Variants in CD320 observed in about 807,000 individuals in gnomAD.
CD320 encodes the protein CD320 molecule.
Under a neutral mutation model 22.1 loss-of-function variants are expected in CD320, and 16 were observed. The observed-to-expected ratio is 0.73, with a 90% CI of 0.49 to 1.10. CD320 has a LOEUF of 1.10. Ranked by LOEUF, CD320 falls within the 50% of genes least tolerant of loss-of-function variation. The probability of loss-of-function intolerance (pLI) is 0.00; values close to 1 mark genes in which losing one functional copy is unlikely to be tolerated. For synonymous variants in CD320, 188 were observed against 167.8 expected, an observed-to-expected ratio of 1.12 and a Z score of -0.93; for missense variants, 388 against 376.9, an observed-to-expected ratio of 1.03 and a Z score of -0.24.
intron 1 of CD320, chr19:8,305,567 G>A (rs1057390316): frequency 1.6e-5 from 4 of 244,612 alleles, no homozygotes; most frequent in Non-Finnish European, 2.5e-5. Context: ...TTAGCCGGGC[G>A]TGGTAGTGCA....
chr19:8,302,203 C>G lies in CD320; in HGVS notation c.*260G>C, dbSNP rs1218515163. On this transcript the variant is annotated 3_prime_UTR_variant, in exon 5 of 5. Transcript: ENST00000301458. ...TCTTAAGCACAGGGCCGTTCTACCC[C>G]CTGGGAGCTGCCTGGGGCCAGCCCC... is the stretch of plus-strand genomic sequence containing the variant. 2 of 662,238 alleles carry G rather than the reference C, an allele frequency of 3.0e-6. No individual in the cohort carries two copies. The highest frequency in any genetic ancestry group is 2.4e-4 in the Middle Eastern group (1 of 4,122). The allele number at this position is 662,238 out of a possible 1,614,324, so 41.0% of individuals were successfully genotyped here. A position where few individuals can be genotyped will look rare whatever the true frequency, so the allele number is the denominator to read the frequency against.
At chr19:8,303,115 T>A in intron 3 of CD320, 135 bp from the exon 4 acceptor site, 18 of 106,216 alleles carry the variant, frequency 1.7e-4, no homozygotes, top group Middle Eastern at 4.2e-3. Flanking sequence ...TAATTATGTC[T>A]TTTTTTTTTT....
In CD320 at chr19:8,302,993, C is replaced by T; in HGVS notation, c.503-13G>A. ...ATCTCATTGGTTCCTGCAATAAGCC[C>T]AGGCGTTCAGTAGTTGAGGAGAGAG... is the stretch of plus-strand genomic sequence containing the variant. On this transcript the variant is annotated splice_polypyrimidine_tract_variant and intron_variant, in intron 3 of 4. Transcript: ENST00000301458. 1.2e-6 allele frequency: 2 copies of T among 1,612,176 alleles called. No individual in the cohort carries two copies. The highest frequency in any genetic ancestry group is 1.1e-5 in the South Asian group (1 of 90,920).
Position 8,308,298 on chromosome 19 carries a change from C to G in CD320, c.-8G>C. 1 of 1,586,272 alleles carries G rather than the reference C, an allele frequency of 6.3e-7. No individual in the cohort carries two copies. Among genetic ancestry groups the G allele is most frequent in the Non-Finnish European group, 8.5e-7 (1 of 1,173,406 alleles). On this transcript the variant is annotated 5_prime_UTR_variant, in exon 1 of 5. Transcript: ENST00000301458. ...CATCCAACCGCCGCTCATGCTGTCCCCACAGCGGCGCCGGCCACGCGCTGT... is the reference window on the plus strand; with the variant it reads ...CATCCAACCGCCGCTCATGCTGTCCGCACAGCGGCGCCGGCCACGCGCTGT...
intron 4 of CD320, 21 bp downstream of exon 4, chr19:8,302,756 G>T: frequency 6.2e-7 from 1 of 1,612,496 alleles, no homozygotes; most frequent in South Asian, 1.1e-5. Flanking sequence ...CCCCCAGCAT[G>T]GGAGGGTAAG....
intron 1 of CD320, among the ~76,000 whole-genome samples, chr19:8,307,924 C>A (rs1970117467): frequency 1.3e-5 from 2 of 152,158 alleles, no homozygotes; most frequent in Non-Finnish European, 2.9e-5. Context: ...AGGGCCGGAG[C>A]AAAACCGTTA....
intron 1 of CD320, among the ~76,000 whole-genome samples, chr19:8,307,646 A>G (rs1055901397): frequency 6.6e-6 from 1 of 152,202 alleles, no homozygotes; most frequent in Non-Finnish European, 1.5e-5. Context: ...CTGCAGTAGC[A>G]TGGGGGGGAG....
At chr19:8,303,345 C>T (rs1970037965) in intron 3 of CD320, among the ~76,000 whole-genome samples, 1 of 151,476 alleles carries the variant, frequency 6.6e-6, no homozygotes, top group South Asian at 2.2e-4. Context: ...TCGAACACCT[C>T]ACCTCAGGTG....
Position 8,302,741 on chromosome 19 carries a change from C to G in CD320, c.706+36G>C, listed in dbSNP as rs770855698. ...CCACCTCCCCTGAATCCCCGGAGCTCTAAGCCCCCAGCATGGGAGGGTAAG... is the reference window on the plus strand; with the variant it reads ...CCACCTCCCCTGAATCCCCGGAGCTGTAAGCCCCCAGCATGGGAGGGTAAG... On this transcript the variant is annotated intron_variant, in intron 4 of 4. Coordinates refer to ENST00000301458, the MANE Select transcript of CD320 (RefSeq NM_016579.4). 24 of 1,611,690 alleles carry G rather than the reference C, an allele frequency of 1.5e-5. 1 individual carries two copies. The East Asian group carries it at 5.3e-4, about 36-fold the overall frequency.
At chr19:8,304,612 G>A (rs1052453305) in intron 2 of CD320, among the ~76,000 whole-genome samples, 19 of 152,020 alleles carry the variant, frequency 1.2e-4, no homozygotes, top group African/African-American at 3.9e-4. Context: ...CAAAGTGCTG[G>A]GATTACATGT....
At chr19:8,302,660 A>G in intron 4 of CD320, 55 bp from the exon 5 acceptor site, 5 of 1,607,182 alleles carry the variant, frequency 3.1e-6, no homozygotes, top group Non-Finnish European at 4.3e-6. Flanking sequence ...GAGCCCCCAC[A>G]CCCACCAAGC....
At position 8,302,778 on chromosome 19, in the gene CD320, A is replaced by G. The variant is rs1380292953; in HGVS notation, c.705T>C (p.Ala235=). 1 of 1,613,860 alleles carries G rather than the reference A, an allele frequency of 6.2e-7. No individual in the cohort carries two copies. Among genetic ancestry groups the G allele is most frequent in the Non-Finnish European group, 8.5e-7 (1 of 1,179,844 alleles). ...SPTAYGVIAA[A]AVLSASLVTA... ...CATGGGAGGGTAAGTCCCTCTTACCAGCAGCTGCAATAACCCCATAGGCAG... is the reference window on the plus strand; with the variant it reads ...CATGGGAGGGTAAGTCCCTCTTACCGGCAGCTGCAATAACCCCATAGGCAG... The change falls in exon 4 of 5, where the codon GCT becomes GCC. Residue 235 remains alanine (A), a splice_region_variant and synonymous_variant. Coordinates refer to ENST00000301458, the MANE Select transcript of CD320 (RefSeq NM_016579.4).
intron 1 of CD320, among the ~76,000 whole-genome samples, 179 bp downstream of exon 1, chr19:8,307,970 C>G (rs1008082582): frequency 3.0e-4 from 45 of 152,210 alleles, no homozygotes; most frequent in African/African-American, 1.1e-3. Context: ...CCTCCCCCAG[C>G]ATGGGGTCTT....
At chr19:8,306,480 C>G (rs1970089417) in intron 1 of CD320, among the ~76,000 whole-genome samples, 1 of 152,202 alleles carries the variant, frequency 6.6e-6, no homozygotes, top group Non-Finnish European at 1.5e-5. Context: ...GGCCAAGGGA[C>G]AGAGGAAGGG....
At chr19:8,303,112 GTC>G (rs1406858364) in intron 3 of CD320, 132 bp from the exon 4 acceptor site, 6 of 600,534 alleles carry the variant, frequency 1.0e-5, no homozygotes, top group Non-Finnish European at 1.7e-5. Context: ...CCGTAATTAT[GTC>G]TTTTTTTTTT....
intron 1 of CD320, chr19:8,305,855 C>T (rs1465234555): frequency 6.6e-6 from 1 of 152,266 alleles, no homozygotes; most frequent in African/African-American, 2.4e-5. Flanking sequence ...GAGGGACGGG[C>T]CATTTTTCCA....
chr19:8,307,034 G>A (rs1395666108), intron 1 of CD320, among the ~76,000 whole-genome samples: 1 of 151,564 alleles, frequency 6.6e-6, no homozygotes, highest in Non-Finnish European at 1.5e-5. Flanking sequence ...GTTTTGTCCT[G>A]TAATCCCAGC....
chr19:8,305,081 C>T lies in CD320; in HGVS notation c.218G>A (p.Arg73His), dbSNP rs746666551. ...TSGLCVPLTW[R>H]CDRDLDCSDG... is the part of the protein sequence containing the mutation. Reference sequence around the variant, plus strand: ...GCTGCAGTCCAAGTCCCTGTCGCAGCGCCAGGTGAGGGGCACGCATAAGCC... The same window carrying T: ...GCTGCAGTCCAAGTCCCTGTCGCAGTGCCAGGTGAGGGGCACGCATAAGCC... Residue 73 changes from arginine to histidine, a missense_variant, in exon 2 of 5, where the codon CGC becomes CAC. Arg to His is a conservative substitution (Grantham distance 29). Transcript: ENST00000301458. 3.1e-6 allele frequency: 5 copies of T among 1,612,532 alleles called. No individual in the cohort carries two copies. The African/African-American group carries it at 5.3e-5, about 17-fold the overall frequency.
chr19:8,307,843 G>A (rs1970115959), intron 1 of CD320, among the ~76,000 whole-genome samples: 1 of 152,176 alleles, frequency 6.6e-6, no homozygotes, highest in Admixed American at 6.5e-5. Flanking sequence ...TCCTGACCAC[G>A]CTGGTATGAA....
Sources: gnomAD v4.1 joint callset for allele counts (sites outside exome capture counted in the v4.1 genomes callset) on GRCh38, gnomAD v4.1.1 for gene constraint, MANE v1.5 for transcripts, NCBI Gene and HGNC (gene_info 2026-07-23, HGNC 2026-07-21) for gene names.